Variants in DNAH2 observed in about 807,000 individuals in gnomAD.
DNAH2 encodes axonemal beta dynein heavy chain 2.
DNAH2 carries 323 observed loss-of-function variants against 523.5 expected under a neutral mutation model. The ratio of observed to expected loss-of-function variants is 0.62; its 90% CI spans 0.56 to 0.68. The LOEUF (loss-of-function observed/expected upper bound fraction) is 0.68. Among genes scored for constraint, DNAH2 ranks in the 30% least tolerant of loss-of-function variants. The pLI is 0.00. For synonymous variants in DNAH2, 2,093 were observed against 2,177.4 expected, an observed-to-expected ratio of 0.96 and a Z score of 1.08; for missense variants, 4,907 against 5,701.5, an observed-to-expected ratio of 0.86 and a Z score of 4.49.
chr17:7,725,886 A>G (rs1597456257), intron 3 of DNAH2, among the ~76,000 whole-genome samples: 1 of 151,300 alleles, frequency 6.6e-6, no homozygotes, highest in African/African-American at 2.4e-5. Context: ...TTAGATCACT[A>G]TTAATTTTTC....
intron 4 of DNAH2, among the ~76,000 whole-genome samples, chr17:7,731,787 G>A (rs910403078): frequency 5.9e-5 from 9 of 152,142 alleles, no homozygotes; most frequent in East Asian, 5.8e-4. Flanking sequence ...CTAGCACTTT[G>A]GGAGGCCGAG....
At chr17:7,816,829 G>A (rs2077682431) in intron 64 of DNAH2, 94 bp downstream of exon 64, 15 of 1,472,688 alleles carry the variant, frequency 1.0e-5, no homozygotes, top group South Asian at 6.6e-5. Context: ...CAGGGAAAAC[G>A]GGGACACCTG....
chr17:7,793,878 A>AAC (rs1319776318), intron 48 of DNAH2, among the ~76,000 whole-genome samples: 6 of 152,070 alleles, frequency 3.9e-5, no homozygotes, highest in Non-Finnish European at 7.4e-5. Context: ...TTTGAGAGAG[A>AAC]ACATACACAC....
intron 22 of DNAH2, among the ~76,000 whole-genome samples, chr17:7,766,987 T>C (rs1321527113): frequency 6.6e-6 from 1 of 152,114 alleles, no homozygotes; most frequent in Non-Finnish European, 1.5e-5. Flanking sequence ...TCGTGACGTT[T>C]AGTAATTCAT....
chr17:7,773,183 G>A (rs1292558553), intron 28 of DNAH2, among the ~76,000 whole-genome samples: 1 of 152,232 alleles, frequency 6.6e-6, no homozygotes, highest in East Asian at 1.9e-4. Flanking sequence ...ATCTGATTGG[G>A]GGTCTTCTGC....
At chr17:7,808,176 GC>G (rs1411781829) in intron 63 of DNAH2, among the ~76,000 whole-genome samples, 2 of 152,064 alleles carry the variant, frequency 1.3e-5, no homozygotes, top group Non-Finnish European at 1.5e-5. Flanking sequence ...TTCAAGACTA[GC>G]CTGGCCAACA....
chr17:7,786,790 G>A lies in DNAH2; in HGVS notation c.6466+103G>A. ...TCCAAGTTGGGAGAGAAATGCCTGG[G>A]GAATGCTGAAGTACAAGGGAGTGTA... On this transcript the variant is annotated intron_variant, in intron 41 of 85. Coordinates refer to ENST00000572933, the MANE Select transcript of DNAH2 (RefSeq NM_020877.5). The surrounding 1 kb of genome is among the most constrained non-coding windows in gnomAD (Gnocchi z 7.5). The A allele has an allele frequency of 6.3e-7, 1 of 1,598,594 alleles. No individual in the cohort carries two copies. Among genetic ancestry groups the A allele is most frequent in the Non-Finnish European group, 8.6e-7 (1 of 1,168,938 alleles).
intron 22 of DNAH2, among the ~76,000 whole-genome samples, chr17:7,767,172 A>G (rs960942215): frequency 2.0e-4 from 30 of 150,980 alleles, no homozygotes; most frequent in African/African-American, 7.3e-4. Context: ...TACAAATGGA[A>G]CCATTTGTAT....
intron 4 of DNAH2, among the ~76,000 whole-genome samples, chr17:7,727,524 C>T (rs761362934): frequency 2.0e-5 from 3 of 152,036 alleles, no homozygotes; most frequent in Non-Finnish European, 2.9e-5. Flanking sequence ...GAGGCCGAGG[C>T]GGGTGGGCGG....
rs2075796614 is a variant in DNAH2, at chr17:7,754,981, A to G, written c.1905-2110A>G. The G allele has an allele frequency of 2.4e-6, 1 of 415,502 alleles. No homozygotes were observed. 25.7% of individuals were successfully genotyped at this position (415,502 alleles called of 1,614,324 possible). On this transcript the variant is annotated intron_variant, in intron 12 of 85. Transcript: ENST00000572933. The surrounding 1 kb of genome is among the most constrained non-coding windows in gnomAD (Gnocchi z 4.6). Reference sequence around the variant, plus strand: ...GCCTGAGGCAGAAAAAAAAAAAAAAAGAATAGGCAGCCCAGGAAGAAGGGT... The same window carrying G: ...GCCTGAGGCAGAAAAAAAAAAAAAAGGAATAGGCAGCCCAGGAAGAAGGGT...
At chr17:7,797,114 A>C (rs2077087875) in intron 50 of DNAH2, 62 bp from the exon 51 acceptor site, 1 of 1,489,654 alleles carries the variant, frequency 6.7e-7, no homozygotes, top group African/African-American at 1.4e-5. Flanking sequence ...AAAAAAAAAA[A>C]AAAAAAACTT....
rs777103431 is a variant in DNAH2 at position 7,743,269 on chromosome 17, G to A, written c.1904+127G>A. 32 of 1,062,278 alleles carry A rather than the reference G, an allele frequency of 3.0e-5. 1 individual carries two copies. The highest frequency in any genetic ancestry group is 9.6e-5 in the South Asian group (7 of 73,236). The allele number at this position is 1,062,278 out of a possible 1,614,324, so 65.8% of individuals were successfully genotyped here. A position where few individuals can be genotyped will look rare whatever the true frequency, so the allele number is the denominator to read the frequency against. ...TTTCTCATACAATATGTTTGCTATC[G>A]TCATTTTACTTTTTTTTTTCTTCTT... On this transcript the variant is annotated intron_variant, in intron 12 of 85. Coordinates refer to ENST00000572933, the MANE Select transcript of DNAH2 (RefSeq NM_020877.5).
At chr17:7,790,379 C>G (rs1385824060) in intron 44 of DNAH2, among the ~76,000 whole-genome samples, 1 of 152,066 alleles carries the variant, frequency 6.6e-6, no homozygotes, top group Non-Finnish European at 1.5e-5. Flanking sequence ...TGCGCCATCA[C>G]ACCCAGCTAA....
chr17:7,813,906 T>TAA (rs2077586427), intron 63 of DNAH2, among the ~76,000 whole-genome samples: 1 of 122,692 alleles, frequency 8.2e-6, no homozygotes, highest in African/African-American at 2.9e-5. Context: ...AGACTCTGTC[T>TAA]CAAAAAAAAA....
Position 7,787,924 on chromosome 17 carries a change from G to A in DNAH2, c.6668G>A (p.Gly2223Glu), listed in dbSNP as rs746598966. 1 of 1,614,186 alleles carries A rather than the reference G, an allele frequency of 6.2e-7. No homozygotes were observed. Among genetic ancestry groups the A allele is most frequent in the South Asian group, 1.1e-5 (1 of 91,076 alleles). Residue 2223 changes from glycine to glutamate, a missense_variant, in exon 43 of 86, where the codon GGG (glycine) becomes GAG (glutamate). Physicochemically the swap from Gly to Glu is moderately conservative, Grantham distance 98 (BLOSUM62 -2). Around this residue, in one of 3 missense-constraint regions of DNAH2, gnomAD observed 2,806 missense variants for 3,190.8 expected, o/e 0.88. Coordinates refer to ENST00000572933, the MANE Select transcript of DNAH2 (RefSeq NM_020877.5). ...MASPATVSRC[G>E]MVYTDYADLG... ...TCTCCGGCCACTGTATCCCGCTGCG[G>A]GATGGTCTACACTGACTACGCTGAC...
Position 7,718,589 on chromosome 17 carries a change from G to C in DNAH2, c.-225G>C, listed in dbSNP as rs926847423. ...CTGTGACCTTCCTCGTGCCCCAATT[G>C]CTTTTTCCTCATGACACAATTTGAA... is the stretch of plus-strand genomic sequence containing the variant. On this transcript the variant is annotated 5_prime_UTR_variant, in exon 1 of 86. Transcript: ENST00000572933. The C allele has an allele frequency of 7.2e-5, 11 of 152,412 alleles. No homozygotes were observed. Among genetic ancestry groups the C allele is most frequent in the Non-Finnish European group, 1.6e-4 (11 of 68,038 alleles). The allele number at this position is 152,412 out of a possible 1,614,324, so 9.4% of individuals were successfully genotyped here. A position where few individuals can be genotyped will look rare whatever the true frequency, so the allele number is the denominator to read the frequency against.
chr17:7,813,925 T>A lies in DNAH2; in HGVS notation c.9730-2646T>A, dbSNP rs866590261. ...TCTGTCTCAAAAAAAAAAAAAAAAA[T>A]TATTTATTCAAAAAAATATGTGAGT... On this transcript the variant is annotated intron_variant, in intron 63 of 85. Coordinates refer to ENST00000572933, the MANE Select transcript of DNAH2 (RefSeq NM_020877.5). Among the ~76,000 whole-genome samples the A allele has an allele frequency of 1.3e-4, 20 of 150,644 alleles. No individual in the cohort carries two copies. In the South Asian group the frequency reaches 1.7e-3, roughly 13 times the overall value.
At chr17:7,741,294 C>CTTTCT (rs749461299) in intron 11 of DNAH2, among the ~76,000 whole-genome samples, 5 of 51,202 alleles carry the variant, frequency 9.8e-5, no homozygotes, top group South Asian at 1.1e-3. Flanking sequence ...TTCTTTCTTT[C>CTTTCT]TTCCTTCCTT....
At chr17:7,818,881 T>C in intron 70 of DNAH2, 38 bp from the exon 71 acceptor site, 1 of 1,608,006 alleles carries the variant, frequency 6.2e-7, no homozygotes, top group Non-Finnish European at 8.5e-7. Context: ...CTGGTCCCGC[T>C]AACCCCTTGC....
Sources: gnomAD v4.1 joint callset for allele counts (sites outside exome capture counted in the v4.1 genomes callset) on GRCh38, gnomAD v4.1.1 for gene constraint, gnomAD v4.1.1 regional missense constraint, Gnocchi (gnomAD v3.1) non-coding constraint, MANE v1.5 for transcripts, NCBI Gene and HGNC (gene_info 2026-07-23, HGNC 2026-07-21) for gene names.